ZNF148: variants seen among roughly 807,000 people sequenced by gnomAD.
ZNF148 encodes the protein Beta-Enolase Repressor Factor-1.
Under a neutral mutation model 67.7 loss-of-function variants are expected in ZNF148, and 7 were observed. That is an observed-to-expected ratio of 0.10 (90% confidence interval 0.06 to 0.19). The LOEUF (loss-of-function observed/expected upper bound fraction) is 0.19. Ranked by LOEUF, ZNF148 falls within the 10% of genes least tolerant of loss-of-function variation. The probability of loss-of-function intolerance (pLI) is 1.00; values close to 1 mark genes in which losing one functional copy is unlikely to be tolerated. For missense variants in ZNF148, 583 were observed against 947.1 expected, an observed-to-expected ratio of 0.62 and a Z score of 5.05; for synonymous variants, 333 against 330.7, an observed-to-expected ratio of 1.01 and a Z score of -0.08.
intron 3 of ZNF148, among the ~76,000 whole-genome samples, chr3:125,320,048 G>A (rs1023254061): frequency 7.2e-5 from 11 of 152,112 alleles, no homozygotes; most frequent in Admixed American, 3.9e-4. Context: ...TCCTGTGGGA[G>A]GATTCAACAC....
chr3:125,364,052 C>T, intron 1 of ZNF148, among the ~76,000 whole-genome samples: 1 of 152,156 alleles, frequency 6.6e-6, no homozygotes, highest in East Asian at 1.9e-4. Flanking sequence ...CTCTTATTTA[C>T]CCGTTCAAAA....
At position 125,227,385 on chromosome 3, in the gene ZNF148, G is replaced by C. The variant is rs1935683435; in HGVS notation, c.*4956C>G. 6.6e-6 allele frequency: 1 copy of C among 152,462 alleles called. No homozygotes were observed. Among genetic ancestry groups the C allele is most frequent in the African/African-American group, 2.4e-5 (1 of 41,382 alleles). The allele number at this position is 152,462 out of a possible 1,614,324, so 9.4% of individuals were successfully genotyped here. ...CTTTATTAGTTGAAATACAAAGAAG[G>C]CATAGGGGATCCCAGGAAAATAACA... is the stretch of plus-strand genomic sequence containing the variant. On this transcript the variant is annotated 3_prime_UTR_variant, in exon 9 of 9. Coordinates refer to ENST00000360647, the MANE Select transcript of ZNF148 (RefSeq NM_021964.3).
At chr3:125,326,524 A>G (rs1468927987) in intron 2 of ZNF148, among the ~76,000 whole-genome samples, 1 of 151,454 alleles carries the variant, frequency 6.6e-6, no homozygotes, top group Non-Finnish European at 1.5e-5. Context: ...AAAATGGCAC[A>G]CTAAAAAGTA....
chr3:125,292,779 C>CT (rs1939082827), intron 4 of ZNF148: 1 of 152,216 alleles, frequency 6.6e-6, no homozygotes, highest in African/African-American at 2.4e-5. Flanking sequence ...CCCTTATGCC[C>CT]TTTCAGGTCA....
At chr3:125,314,139 T>G (rs1940371597) in intron 3 of ZNF148, among the ~76,000 whole-genome samples, 1 of 152,084 alleles carries the variant, frequency 6.6e-6, no homozygotes, top group South Asian at 2.1e-4. Flanking sequence ...ACTATCATAT[T>G]TCATCTACCA....
At chr3:125,336,333 G>A (rs557134199) in intron 1 of ZNF148, among the ~76,000 whole-genome samples, 24 of 152,254 alleles carry the variant, frequency 1.6e-4, no homozygotes, top group Middle Eastern at 6.8e-3. Context: ...TTACACATTA[G>A]TCAAGTTATA....
At chr3:125,320,167 C>T (rs188043117) in intron 3 of ZNF148, among the ~76,000 whole-genome samples, 2 of 152,298 alleles carry the variant, frequency 1.3e-5, no homozygotes, top group East Asian at 3.9e-4. Context: ...TCTTAAGCTA[C>T]CTTCCTCCCT....
intron 1 of ZNF148, among the ~76,000 whole-genome samples, chr3:125,350,628 A>C (rs1182703045): frequency 2.0e-5 from 3 of 152,256 alleles, no homozygotes; most frequent in Non-Finnish European, 4.4e-5. Flanking sequence ...GATTCTCAAA[A>C]GGAGCATGTA....
intron 1 of ZNF148, chr3:125,344,142 A>C (rs917918444): frequency 1.2e-5 from 3 of 255,626 alleles, no homozygotes; most frequent in African/African-American, 4.6e-5. Flanking sequence ...TTAACTGGCC[A>C]TCTTCCTCAA....
At chr3:125,253,795 T>C (rs1936953277) in intron 7 of ZNF148, among the ~76,000 whole-genome samples, 2 of 152,330 alleles carry the variant, frequency 1.3e-5, no homozygotes, top group Non-Finnish European at 1.5e-5. Flanking sequence ...TATATTTAAA[T>C]ACTGCTGGAT....
At chr3:125,240,190 T>C (rs1434356906) in intron 7 of ZNF148, among the ~76,000 whole-genome samples, 5 of 152,054 alleles carry the variant, frequency 3.3e-5, no homozygotes, top group Non-Finnish European at 7.4e-5. Context: ...CAAGATTAAT[T>C]AAAAAGAAAT....
chr3:125,242,512 T>C (rs1936412241), intron 7 of ZNF148, among the ~76,000 whole-genome samples: 1 of 152,034 alleles, frequency 6.6e-6, no homozygotes, highest in Non-Finnish European at 1.5e-5. Flanking sequence ...TCCCAGCTAC[T>C]TGGGAGGCTG....
At chr3:125,251,606 T>A (rs1936845065) in intron 7 of ZNF148, among the ~76,000 whole-genome samples, 1 of 152,246 alleles carries the variant, frequency 6.6e-6, no homozygotes, top group Admixed American at 6.5e-5. Flanking sequence ...TATATTCTTT[T>A]GTGTCTTTTA....
chr3:125,268,331 A>G (rs1464084581), intron 7 of ZNF148, among the ~76,000 whole-genome samples: 1 of 151,814 alleles, frequency 6.6e-6, no homozygotes, highest in African/African-American at 2.4e-5. Flanking sequence ...TACAGTAACC[A>G]AAACAGCATG....
rs540935963 is a variant in ZNF148, at chr3:125,276,737, T to C, written c.667+989A>G. On this transcript the variant is annotated intron_variant, in intron 7 of 8. Transcript: ENST00000360647. ...GCATGAGCCACTGAGCCCAGCCCAG[T>C]TAAAGTTTTATTTAAGCAGACCAGA... Among the ~76,000 whole-genome samples, 4 of 152,076 alleles carry C rather than the reference T, an allele frequency of 2.6e-5. No individual in the cohort carries two copies. The East Asian group carries it at 7.7e-4, about 29-fold the overall frequency.
chr3:125,252,946 A>G (rs562554901), intron 7 of ZNF148, among the ~76,000 whole-genome samples: 3 of 152,264 alleles, frequency 2.0e-5, no homozygotes, highest in South Asian at 4.1e-4. Flanking sequence ...GCTTTATAAT[A>G]TATCTTGATA....
intron 7 of ZNF148, among the ~76,000 whole-genome samples, chr3:125,252,543 G>C (rs1198515515): frequency 6.6e-6 from 1 of 152,034 alleles, no homozygotes; most frequent in East Asian, 1.9e-4. Flanking sequence ...CATGAGGCGG[G>C]TGGATCACGA....
At chr3:125,353,389 A>T (rs1382655206) in intron 1 of ZNF148, among the ~76,000 whole-genome samples, 2 of 152,132 alleles carry the variant, frequency 1.3e-5, no homozygotes, top group Non-Finnish European at 2.9e-5. Flanking sequence ...GAATTTATAT[A>T]TGGCATAAAA....
intron 1 of ZNF148, among the ~76,000 whole-genome samples, chr3:125,373,835 T>C (rs1002787138): frequency 2.0e-5 from 3 of 152,158 alleles, no homozygotes; most frequent in African/African-American, 7.2e-5. Context: ...TAATTTGAGC[T>C]ACAAATGAAG....
Sources: allele counts gnomAD v4.1 joint callset (sites outside exome capture counted in the v4.1 genomes callset), GRCh38; gene constraint gnomAD v4.1.1; transcripts MANE v1.5; gene names NCBI Gene and HGNC (gene_info 2026-07-23, HGNC 2026-07-21).